The following ITIH4 variants were observed in gnomAD, a reference collection of about 807,000 sequenced individuals.
The protein encoded by ITIH4 is inter-alpha-trypsin inhibitor heavy chain 4, also known as inter-alpha-trypsin inhibitor heavy chain H4.
ITIH4 carries 79 observed loss-of-function variants against 111.8 expected under a neutral mutation model. The ratio of observed to expected loss-of-function variants is 0.71; its 90% CI spans 0.59 to 0.85. ITIH4 has a LOEUF of 0.85. ITIH4 is among the 40% of genes least tolerant of loss of function. The probability of loss-of-function intolerance (pLI) is 0.00; values close to 1 mark genes in which losing one functional copy is unlikely to be tolerated. For missense variants in ITIH4, 1,065 were observed against 1,195.8 expected (o/e 0.89, Z 1.61); for synonymous variants, 472 against 468.3 (o/e 1.01, Z -0.10).
intron 21 of ITIH4, among the ~76,000 whole-genome samples, chr3:52,814,984 A>C (rs1322716026): frequency 2.0e-5 from 3 of 152,112 alleles, no homozygotes; most frequent in African/African-American, 7.2e-5. Flanking sequence ...CAGCTGGTGC[A>C]CTCTCTTTGG....
At chr3:52,829,892 C>G (rs961706382) in intron 1 of ITIH4, 2 of 178,522 alleles carry the variant, frequency 1.1e-5, no homozygotes, top group African/African-American at 4.8e-5. Context: ...TCCCCACTTC[C>G]GCAGGGCACT....
intron 1 of ITIH4, chr3:52,830,038 CAGTTTGGCACAGAGGT>C: frequency 3.4e-6 from 1 of 296,880 alleles, no homozygotes; most frequent in Non-Finnish European, 6.5e-6. Context: ...TGCCTGAATG[CAGTTTGGCACAGAGGT>C]GCCAAGTGGC....
intron 5 of ITIH4, 110 bp from the exon 6 acceptor site, chr3:52,826,124 G>T: frequency 6.9e-7 from 1 of 1,459,246 alleles, no homozygotes; most frequent in Non-Finnish European, 9.3e-7. Flanking sequence ...TGCAGCCTTG[G>T]GTCCGTATTC....
chr3:52,824,817 C>T lies in ITIH4; in HGVS notation c.876+25G>A, dbSNP rs752494752. 1.8e-5 allele frequency: 28 copies of T among 1,574,602 alleles called. No individual in the cohort carries two copies. The East Asian group carries it at 5.6e-4, about 31-fold the overall frequency. The stretch of plus-strand genomic sequence containing the variant: ...GTGAAGGGCCTGGGAGTTTTCAGGG[C>T]CCTGCCCTGGGCCACAGGACCTACC... On this transcript the variant is annotated intron_variant, in intron 7 of 23. Transcript: ENST00000266041. This position sits in a 1 kb window ranked among gnomAD's most constrained non-coding sequence, Gnocchi z 4.3.
chr3:52,820,464 A>G, intron 13 of ITIH4, 147 bp from the exon 14 acceptor site: 1 of 1,159,066 alleles, frequency 8.6e-7, no homozygotes, highest in Admixed American at 2.3e-5. Flanking sequence ...ATTTGGGGAG[A>G]CAGGAGACCC....
At chr3:52,815,129 AG>A (rs1373511764) in intron 21 of ITIH4, among the ~76,000 whole-genome samples, 2 of 152,172 alleles carry the variant, frequency 1.3e-5, no homozygotes, top group East Asian at 3.8e-4. Flanking sequence ...GGTTCCTTTG[AG>A]CATGTTGAAT....
At chr3:52,819,120 C>G in intron 17 of ITIH4, 2 of 436,772 alleles carry the variant, frequency 4.6e-6, no homozygotes, top group Non-Finnish European at 8.4e-6. Context: ...CGGGTGAGCT[C>G]GCATCTGAGG....
chr3:52,823,757 T>C lies in ITIH4; in HGVS notation c.1354-16A>G, dbSNP rs761589817. On this transcript the variant is annotated splice_polypyrimidine_tract_variant and intron_variant, in intron 10 of 23. Coordinates refer to ENST00000266041, the MANE Select transcript of ITIH4 (RefSeq NM_002218.5). ...GGTAGAAGTCCTGCAGGGTTGGGGG[T>C]GTCATAAAGGCTGGGCTTTATGACT... The C allele has an allele frequency of 1.2e-6, 2 of 1,613,892 alleles. No individual in the cohort carries two copies. Among genetic ancestry groups the C allele is most frequent in the South Asian group, 1.1e-5 (1 of 91,070 alleles).
In ITIH4 at chr3:52,824,167, G is replaced by A. The variant is rs1700443205; in HGVS notation, c.1171+23C>T. On this transcript the variant is annotated intron_variant, in intron 9 of 23. Coordinates refer to ENST00000266041, the MANE Select transcript of ITIH4 (RefSeq NM_002218.5). This position sits in a 1 kb window ranked among gnomAD's most constrained non-coding sequence, Gnocchi z 4.3. ...CCGCCTCCCCTGTGCAGCACGTCCT[G>A]GAGTCACGGGCAGGGCCCTCACCCA... The A allele has an allele frequency of 6.2e-7, 1 of 1,611,960 alleles. No individual in the cohort carries two copies. Among genetic ancestry groups the A allele is most frequent in the Non-Finnish European group, 8.5e-7 (1 of 1,179,242 alleles).
Position 52,817,027 on chromosome 3 carries a change from C to T in ITIH4, c.2328G>A (p.Glu776=). Residue 776 remains glutamate, a synonymous_variant, in exon 21 of 24, where the codon GAG becomes GAA. Transcript: ENST00000266041. ...CTTCGATCCATGAGAACCCAGCCTTCTCCCTCTCATACTGGCCAGTCACCT... is the reference window on the plus strand; with the variant it reads ...CTTCGATCCATGAGAACCCAGCCTTTTCCCTCTCATACTGGCCAGTCACCT... ...GVEVTGQYER[E]KAGFSWIEVT... is the part of the protein sequence containing the mutation. 6.2e-7 allele frequency: 1 copy of T among 1,613,966 alleles called. No homozygotes were observed. The highest frequency in any genetic ancestry group is 8.5e-7 in the Non-Finnish European group (1 of 1,179,956).
At chr3:52,815,960 A>G (rs1003216975) in intron 21 of ITIH4, among the ~76,000 whole-genome samples, 2 of 152,244 alleles carry the variant, frequency 1.3e-5, no homozygotes, top group African/African-American at 4.8e-5. Context: ...TGCTGGGATT[A>G]CAGGCGTGAG....
chr3:52,818,525 C>T lies in ITIH4; in HGVS notation c.2089G>A (p.Ala697Thr). Residue 697 changes from alanine (A) to threonine (T), a missense_variant, in exon 18 of 24, where the codon GCA (alanine) becomes ACA (threonine). By Grantham distance (58) the Ala-to-Thr change is moderately conservative. Coordinates refer to ENST00000266041, the MANE Select transcript of ITIH4 (RefSeq NM_002218.5). ...TCAGGATTTGAGGTGGCTGGTGGTG[C>T]TGAAGCAGGCACTAGGGCAGGAACA... ...FRRLAILPASAPPATSNPDPA... is the reference protein window; with the variant it reads ...FRRLAILPASTPPATSNPDPA... 1 of 1,602,938 alleles carries T rather than the reference C, an allele frequency of 6.2e-7. No individual in the cohort carries two copies. The highest frequency in any genetic ancestry group is 8.5e-7 in the Non-Finnish European group (1 of 1,174,600).
intron 17 of ITIH4, 42 bp downstream of exon 17, chr3:52,819,351 C>A: frequency 6.2e-7 from 1 of 1,612,146 alleles, no homozygotes; most frequent in South Asian, 1.1e-5. Context: ...CAAGGACCAC[C>A]GTGGGAAACC....
intron 16 of ITIH4, 111 bp downstream of exon 16, chr3:52,819,643 C>G: frequency 6.3e-7 from 1 of 1,575,952 alleles, no homozygotes; most frequent in Non-Finnish European, 8.7e-7. Context: ...CCACACCCGG[C>G]CAACTTGGGG....
chr3:52,822,491 G>C (rs1242144520), intron 11 of ITIH4, among the ~76,000 whole-genome samples: 1 of 152,176 alleles, frequency 6.6e-6, no homozygotes, highest in Admixed American at 6.5e-5. Context: ...GGAACCCACG[G>C]CCTCCAAGCT....
At chr3:52,822,518 T>C (rs974560112) in intron 11 of ITIH4, among the ~76,000 whole-genome samples, 6 of 152,140 alleles carry the variant, frequency 3.9e-5, no homozygotes, top group Admixed American at 1.3e-4. Context: ...CCTGCTGACA[T>C]GTATGGAGTG....
chr3:52,824,835 G>A lies in ITIH4; in HGVS notation c.876+7C>T. 6.2e-7 allele frequency: 1 copy of A among 1,606,660 alleles called. No homozygotes were observed. Among genetic ancestry groups the A allele is most frequent in the Non-Finnish European group, 8.5e-7 (1 of 1,173,878 alleles). On this transcript the variant is annotated splice_region_variant and intron_variant, in intron 7 of 23. Transcript: ENST00000266041. The surrounding 1 kb of genome is among the most constrained non-coding windows in gnomAD (Gnocchi z 4.3). ...TTCAGGGCCCTGCCCTGGGCCACAG[G>A]ACCTACCTGCTGGATTTTCCTGCCA...
chr3:52,819,811 A>C lies in ITIH4; in HGVS notation c.1913-19T>G. ...GAAGCCTCTGTGTGGTCAAGTCCTG[A>C]TCAGATACAACTGAACTGAGGCCCG... is the stretch of plus-strand genomic sequence containing the variant. On this transcript the variant is annotated intron_variant, in intron 15 of 23. Coordinates refer to ENST00000266041, the MANE Select transcript of ITIH4 (RefSeq NM_002218.5). 1 of 1,613,868 alleles carries C rather than the reference A, an allele frequency of 6.2e-7. No homozygotes were observed. The highest frequency in any genetic ancestry group is 8.5e-7 in the Non-Finnish European group (1 of 1,179,870).
chr3:52,829,892 C>T (rs961706382), intron 1 of ITIH4: 4 of 178,522 alleles, frequency 2.2e-5, no homozygotes, highest in Admixed American at 1.6e-4. Flanking sequence ...TCCCCACTTC[C>T]GCAGGGCACT....
Sources: gnomAD v4.1 joint callset for allele counts (sites outside exome capture counted in the v4.1 genomes callset) on GRCh38, gnomAD v4.1.1 for gene constraint, Gnocchi (gnomAD v3.1) non-coding constraint, MANE v1.5 for transcripts, NCBI Gene and HGNC (gene_info 2026-07-23, HGNC 2026-07-21) for gene names.